Variants in APP observed in about 807,000 individuals in gnomAD.
APP encodes the protein amyloid beta precursor protein.
In APP, 31 loss-of-function variants were observed where a neutral mutation model predicts 101.4. The observed-to-expected ratio is 0.31, with a 90% CI of 0.23 to 0.41. APP has a LOEUF of 0.41. Ranked by LOEUF, APP falls within the 10% of genes least tolerant of loss-of-function variation. The pLI is 1.00. For missense variants in APP, 839 were observed against 1,003.7 expected, an observed-to-expected ratio of 0.84 and a Z score of 2.22; for synonymous variants, 366 against 364.4, an observed-to-expected ratio of 1.00 and a Z score of -0.05.
At chr21:25,988,330 G>A (rs923628976) in intron 8 of APP, among the ~76,000 whole-genome samples, 1 of 152,182 alleles carries the variant, frequency 6.6e-6, no homozygotes, top group South Asian at 2.1e-4. Context: ...TGTTTGAGGG[G>A]GAGTATATGT....
chr21:26,034,967 T>G (rs907302993), intron 5 of APP, among the ~76,000 whole-genome samples: 2 of 151,990 alleles, frequency 1.3e-5, no homozygotes, highest in Non-Finnish European at 2.9e-5. Context: ...TTGAGAATAA[T>G]GAAGAAGGGG....
At chr21:26,121,134 C>T (rs1458673856) in intron 1 of APP, among the ~76,000 whole-genome samples, 1 of 152,204 alleles carries the variant, frequency 6.6e-6, no homozygotes, top group Non-Finnish European at 1.5e-5. Context: ...GTGGCAGAGT[C>T]AGCACCAAAC....
At chr21:25,928,868 C>T (rs969338507) in intron 13 of APP, 2 of 151,260 alleles carry the variant, frequency 1.3e-5, no homozygotes, top group African/African-American at 4.9e-5. Context: ...ATTACAGGCG[C>T]GCATCACTAC....
At chr21:26,128,178 G>A (rs1335123621) in intron 1 of APP, among the ~76,000 whole-genome samples, 2 of 152,178 alleles carry the variant, frequency 1.3e-5, no homozygotes, top group South Asian at 2.1e-4. Flanking sequence ...ACTGCAACAC[G>A]TGTGTCGTCA....
At chr21:26,023,214 C>T (rs1260925750) in intron 5 of APP, among the ~76,000 whole-genome samples, 2 of 152,140 alleles carry the variant, frequency 1.3e-5, no homozygotes, top group East Asian at 3.9e-4. Context: ...ATCAGAATCA[C>T]CTGGAAGGCT....
At chr21:26,152,306 A>AAAAAAAAAAAAAAAAAAC in intron 1 of APP, among the ~76,000 whole-genome samples, 1 of 145,236 alleles carries the variant, frequency 6.9e-6, no homozygotes, top group Non-Finnish European at 1.5e-5. Context: ...AAAAAAAAAA[A>AAAAAAAAAAAAAAAAAAC]ATGGGCCAAG....
At chr21:25,882,314 A>G (rs1036370721) in intron 17 of APP, among the ~76,000 whole-genome samples, 1 of 150,106 alleles carries the variant, frequency 6.7e-6, no homozygotes, top group Non-Finnish European at 1.5e-5. Flanking sequence ...TGTTAAGGAG[A>G]GGTTTGAGAA....
Position 26,170,681 on chromosome 21 carries a change from C to T in APP, c.-61G>A, listed in dbSNP as rs2063728222. On this transcript the variant is annotated 5_prime_UTR_variant, in exon 1 of 18. Transcript: ENST00000346798. Reference sequence around the variant, plus strand: ...GCGAGTGGGATCCGCCGCGTCCTTGCTCTGCCCGCGCCGCCACCGCCGCCG... The same window carrying T: ...GCGAGTGGGATCCGCCGCGTCCTTGTTCTGCCCGCGCCGCCACCGCCGCCG... 1 of 1,462,834 alleles carries T rather than the reference C, an allele frequency of 6.8e-7. No individual in the cohort carries two copies. Among genetic ancestry groups the T allele is most frequent in the East Asian group, 2.9e-5 (1 of 34,466 alleles). 90.6% of individuals were successfully genotyped at this position (1,462,834 alleles called of 1,614,324 possible). A position where few individuals can be genotyped will look rare whatever the true frequency, so the allele number is the denominator to read the frequency against.
chr21:26,164,812 C>T (rs537523960), intron 1 of APP, among the ~76,000 whole-genome samples: 2 of 148,844 alleles, frequency 1.3e-5, no homozygotes, highest in Non-Finnish European at 3.0e-5. Context: ...GCCGAGATCG[C>T]GCCACTGCAC....
chr21:26,018,946 A>C (rs371316379), intron 6 of APP, among the ~76,000 whole-genome samples: 8 of 152,212 alleles, frequency 5.3e-5, no homozygotes, highest in African/African-American at 1.9e-4. Context: ...ATATCAAATA[A>C]TACTACCTGC....
At chr21:26,025,659 C>T (rs1338343183) in intron 5 of APP, among the ~76,000 whole-genome samples, 1 of 152,156 alleles carries the variant, frequency 6.6e-6, no homozygotes, top group East Asian at 1.9e-4. Flanking sequence ...ATGTGTCTAG[C>T]CGTGAAAAAG....
At chr21:26,058,504 C>T (rs1004040652) in intron 3 of APP, among the ~76,000 whole-genome samples, 8 of 152,200 alleles carry the variant, frequency 5.3e-5, no homozygotes, top group Admixed American at 4.6e-4. Context: ...TTTTCGATTT[C>T]TTTATGTTGT....
chr21:26,025,421 A>G (rs2044525436), intron 5 of APP, among the ~76,000 whole-genome samples: 1 of 152,236 alleles, frequency 6.6e-6, no homozygotes, highest in South Asian at 2.1e-4. Context: ...TCTTTAAATC[A>G]TGATGTATAC....
At chr21:25,890,570 G>A (rs1420197187) in intron 17 of APP, among the ~76,000 whole-genome samples, 1 of 152,060 alleles carries the variant, frequency 6.6e-6, no homozygotes, top group Non-Finnish European at 1.5e-5. Context: ...GTGAAACCCT[G>A]TCTCTACTAA....
chr21:26,150,419 G>A (rs2063241623), intron 1 of APP, among the ~76,000 whole-genome samples: 1 of 152,150 alleles, frequency 6.6e-6, no homozygotes, highest in Admixed American at 6.5e-5. Context: ...TCCTGGGTCT[G>A]CTATTTCTCG....
intron 1 of APP, among the ~76,000 whole-genome samples, chr21:26,117,835 G>A (rs1400387704): frequency 1.3e-5 from 2 of 152,178 alleles, no homozygotes; most frequent in African/African-American, 4.8e-5. Flanking sequence ...TTATTTCAGA[G>A]CTTGAGTTTC....
intron 8 of APP, among the ~76,000 whole-genome samples, chr21:25,983,170 TGCAACA>T (rs1227138623): frequency 1.3e-5 from 2 of 152,226 alleles, no homozygotes; most frequent in Non-Finnish European, 2.9e-5. Flanking sequence ...ATATTTGAAT[TGCAACA>T]TATACTGCTA....
At chr21:26,035,644 C>A (rs1003419299) in intron 5 of APP, among the ~76,000 whole-genome samples, 1 of 152,132 alleles carries the variant, frequency 6.6e-6, no homozygotes, top group Non-Finnish European at 1.5e-5. Context: ...GCCACGAACA[C>A]AACTTAAATT....
At chr21:26,104,075 T>C (rs1027381796) in intron 2 of APP, among the ~76,000 whole-genome samples, 1 of 152,182 alleles carries the variant, frequency 6.6e-6, no homozygotes, top group Non-Finnish European at 1.5e-5. Context: ...GCTGTGTCCT[T>C]ATGTGACTTC....
Sources: allele counts gnomAD v4.1 joint callset (sites outside exome capture counted in the v4.1 genomes callset), GRCh38; gene constraint gnomAD v4.1.1; transcripts MANE v1.5; gene names NCBI Gene and HGNC (gene_info 2026-07-23, HGNC 2026-07-21).